RBFOX1: variants seen among roughly 807,000 people sequenced by gnomAD.
RBFOX1 encodes the protein RNA binding fox-1 homolog 1.
Under a neutral mutation model 57.7 loss-of-function variants are expected in RBFOX1, and 8 were observed. That is an observed-to-expected ratio of 0.14 (90% confidence interval 0.08 to 0.25). The LOEUF is 0.25. RBFOX1 is among the 10% of genes least tolerant of loss of function. The pLI is 1.00. For synonymous variants in RBFOX1, 326 were observed against 222.4 expected (o/e 1.47, Z -4.15); for missense variants, 611 against 548.5 (o/e 1.11, Z -1.14).
chr16:6,870,155 G>A (rs1357863978), intron 3 of RBFOX1, among the ~76,000 whole-genome samples: 1 of 152,094 alleles, frequency 6.6e-6, no homozygotes, highest in African/African-American at 2.4e-5. Context: ...TTCACAGGAT[G>A]GTGATGAATG....
intron 3 of RBFOX1, among the ~76,000 whole-genome samples, chr16:6,883,027 A>T (rs2063277691): frequency 6.6e-6 from 1 of 152,178 alleles, no homozygotes; most frequent in African/African-American, 2.4e-5. Flanking sequence ...GATATTCTAG[A>T]TAACCCATAT....
At chr16:5,514,238 G>A (rs572945490) in intron 2 of RBFOX1, among the ~76,000 whole-genome samples, 1 of 152,296 alleles carries the variant, frequency 6.6e-6, no homozygotes, top group South Asian at 2.1e-4. Context: ...ACTGTTGGCT[G>A]ACCGTGGATG....
chr16:5,643,043 T>A (rs997446003), intron 3 of RBFOX1, among the ~76,000 whole-genome samples: 2 of 152,198 alleles, frequency 1.3e-5, no homozygotes, highest in African/African-American at 2.4e-5. Flanking sequence ...GTCCTCACCT[T>A]ATGATATATT....
intron 4 of RBFOX1, among the ~76,000 whole-genome samples, chr16:7,476,482 A>G (rs961244217): frequency 1.3e-5 from 2 of 152,202 alleles, no homozygotes; most frequent in African/African-American, 2.4e-5. Flanking sequence ...AAACATCCCA[A>G]TTATTAGATG....
intron 1 of RBFOX1, among the ~76,000 whole-genome samples, chr16:6,266,194 C>G (rs1223859630): frequency 6.6e-6 from 1 of 152,082 alleles, no homozygotes; most frequent in Non-Finnish European, 1.5e-5. Flanking sequence ...CAGCCTGGAC[C>G]CTTGAGAGAA....
intron 3 of RBFOX1, among the ~76,000 whole-genome samples, chr16:5,694,074 C>G (rs1204679955): frequency 6.6e-6 from 1 of 152,214 alleles, no homozygotes; most frequent in Non-Finnish European, 1.5e-5. Flanking sequence ...CATTTTGCCT[C>G]AGAGTTGAAA....
At chr16:5,572,331 G>GCAGTGAGT (rs2046309722) in intron 2 of RBFOX1, among the ~76,000 whole-genome samples, 2 of 152,100 alleles carry the variant, frequency 1.3e-5, no homozygotes, top group Non-Finnish European at 2.9e-5. Flanking sequence ...GCTTTTCTAG[G>GCAGTGAGT]CAGTGAGTCC....
chr16:7,433,450 C>G (rs1403795276), intron 4 of RBFOX1, among the ~76,000 whole-genome samples: 1 of 152,144 alleles, frequency 6.6e-6, no homozygotes, highest in African/African-American at 2.4e-5. Context: ...ATGAATGTTC[C>G]ATGTAGAGCA....
At chr16:6,189,291 G>A (rs1285401673) in intron 1 of RBFOX1, among the ~76,000 whole-genome samples, 1 of 152,230 alleles carries the variant, frequency 6.6e-6, no homozygotes, top group Non-Finnish European at 1.5e-5. Context: ...ACTGGAAAGG[G>A]GGCCCTGGAG....
At chr16:6,210,408 G>C (rs1240600864) in intron 1 of RBFOX1, among the ~76,000 whole-genome samples, 1 of 144,764 alleles carries the variant, frequency 6.9e-6, no homozygotes, top group African/African-American at 2.5e-5. Context: ...GAAGGAAGGG[G>C]AAAGAAAGGA....
intron 1 of RBFOX1, among the ~76,000 whole-genome samples, chr16:6,244,920 A>AGTTTTGTTTTGTTTTGTTTT (rs55870313): frequency 6.7e-6 from 1 of 150,082 alleles, no homozygotes; most frequent in Admixed American, 6.7e-5. Flanking sequence ...CTGAATACCC[A>AGTTTTGTTTTGTTTTGTTTT]GTTTTGTTTT....
At chr16:6,397,687 T>C (rs1262503053) in intron 2 of RBFOX1, among the ~76,000 whole-genome samples, 3 of 152,182 alleles carry the variant, frequency 2.0e-5, no homozygotes, top group Non-Finnish European at 4.4e-5. Context: ...TAAAGAAAGA[T>C]GACATCACTG....
intron 2 of RBFOX1, among the ~76,000 whole-genome samples, chr16:6,563,398 A>G (rs1302090977): frequency 1.3e-5 from 2 of 152,204 alleles, no homozygotes; most frequent in Non-Finnish European, 2.9e-5. Flanking sequence ...CTCATTTATC[A>G]GATGAGAAAC....
intron 2 of RBFOX1, among the ~76,000 whole-genome samples, chr16:6,332,101 A>T (rs1362527354): frequency 6.6e-6 from 1 of 152,192 alleles, no homozygotes; most frequent in Non-Finnish European, 1.5e-5. Flanking sequence ...GTTAGATGTA[A>T]ATGGAAGACG....
At chr16:6,141,941 C>A (rs897185369) in intron 1 of RBFOX1, among the ~76,000 whole-genome samples, 1 of 151,628 alleles carries the variant, frequency 6.6e-6, no homozygotes, top group Non-Finnish European at 1.5e-5. Flanking sequence ...TGCCTGTAGT[C>A]CCAGCTGCTC....
intron 2 of RBFOX1, among the ~76,000 whole-genome samples, chr16:5,563,740 C>T (rs116466558): frequency 3.9e-4 from 60 of 152,288 alleles, no homozygotes; most frequent in African/African-American, 1.4e-3. Context: ...AGTGGCTTCT[C>T]ATATATTCAC....
intron 2 of RBFOX1, among the ~76,000 whole-genome samples, chr16:6,396,438 A>C (rs1183563047): frequency 1.3e-5 from 2 of 152,214 alleles, no homozygotes; most frequent in African/African-American, 4.8e-5. Context: ...ACACATAGAT[A>C]GACTAGGAAG....
At chr16:7,019,254 G>A (rs964198261) in intron 3 of RBFOX1, among the ~76,000 whole-genome samples, 1 of 151,970 alleles carries the variant, frequency 6.6e-6, no homozygotes, top group Non-Finnish European at 1.5e-5. Flanking sequence ...GTTTTGTTAG[G>A]TTGGTGCTTG....
In RBFOX1 at chr16:6,254,736, AAAATTAACAT is replaced by A. The variant is rs1192315611; in HGVS notation, c.-126-62251_-126-62242del. Among the ~76,000 whole-genome samples the A allele has an allele frequency of 1.1e-4, 17 of 152,340 alleles. 1 individual carries two copies. In the South Asian group the frequency reaches 3.3e-3, roughly 30 times the overall value. On this transcript the variant is annotated intron_variant, in intron 1 of 15. Coordinates refer to ENST00000550418, the MANE Select transcript of RBFOX1 (RefSeq NM_018723.4). ...TAAAGCATTTTGAAAAACCTCTTTT[AAAATTAACAT>A]AAATTAAAACAATATATTTCTGTCT...
Sources: allele counts gnomAD v4.1 joint callset (sites outside exome capture counted in the v4.1 genomes callset), GRCh38; gene constraint gnomAD v4.1.1; transcripts MANE v1.5; gene names NCBI Gene and HGNC (gene_info 2026-07-23, HGNC 2026-07-21).